ZDHHC21: variants seen among roughly 807,000 people sequenced by gnomAD.
ZDHHC21 encodes palmitoyltransferase ZDHHC21.
ZDHHC21 carries 15 observed loss-of-function variants against 34.6 expected under a neutral mutation model. The observed-to-expected ratio is 0.43, with a 90% confidence interval of 0.29 to 0.67. ZDHHC21 has a LOEUF of 0.67. Ranked by LOEUF, ZDHHC21 falls within the 30% of genes least tolerant of loss-of-function variation. ZDHHC21 has a pLI of 0.14. For missense variants in ZDHHC21, 344 were observed against 327.7 expected (o/e 1.05, Z -0.38); for synonymous variants, 142 against 101.8 (o/e 1.40, Z -2.38).
At chr9:14,595,590 C>A in the ZDHHC21 span, among the ~76,000 whole-genome samples, 1 of 151,996 alleles carries the variant, frequency 6.6e-6, no homozygotes, top group East Asian at 1.9e-4. Context: ...CAATTGTGCA[C>A]AATATAACAG....
At chr9:14,681,974 A>G (rs1837459340) in intron 2 of ZDHHC21, among the ~76,000 whole-genome samples, 1 of 152,178 alleles carries the variant, frequency 6.6e-6, no homozygotes, top group Admixed American at 6.5e-5. Context: ...AAAATCCTTT[A>G]CAGACAAGCA....
At chr9:14,658,422 T>G (rs531254513) in intron 7 of ZDHHC21, among the ~76,000 whole-genome samples, 3 of 151,116 alleles carry the variant, frequency 2.0e-5, no homozygotes, top group African/African-American at 7.3e-5. Flanking sequence ...TGTTAATAAT[T>G]GTATGCTACA....
chr9:14,619,526 C>A, intron 9 of ZDHHC21, 113 bp downstream of exon 9: 6 of 898,718 alleles, frequency 6.7e-6, no homozygotes, highest in Admixed American at 2.9e-5. Context: ...TCAGACAATG[C>A]ACCAAGAAAA....
chr9:14,649,735 T>A (rs1042452731), intron 7 of ZDHHC21, among the ~76,000 whole-genome samples: 13 of 152,118 alleles, frequency 8.5e-5, no homozygotes, highest in Non-Finnish European at 1.5e-5. Context: ...AGAGCGTATT[T>A]CACTAGCATC....
intron 7 of ZDHHC21, among the ~76,000 whole-genome samples, chr9:14,651,106 G>A (rs1343560268): frequency 2.0e-5 from 3 of 151,706 alleles, no homozygotes; most frequent in Non-Finnish European, 2.9e-5. Flanking sequence ...TTCTCATGTA[G>A]AGAAATAGTA....
At chr9:14,627,301 C>T (rs143948807) in intron 8 of ZDHHC21, among the ~76,000 whole-genome samples, 1 of 152,150 alleles carries the variant, frequency 6.6e-6, no homozygotes, top group African/African-American at 2.4e-5. Context: ...AACTGTCACC[C>T]CTGCATTTAT....
chr9:14,621,007 A>T (rs1360458165), intron 8 of ZDHHC21, among the ~76,000 whole-genome samples: 1 of 152,028 alleles, frequency 6.6e-6, no homozygotes, highest in African/African-American at 2.4e-5. Context: ...CTACAAACAT[A>T]TGAGAACACT....
chr9:14,644,648 A>T (rs1829976827), intron 7 of ZDHHC21, among the ~76,000 whole-genome samples: 1 of 151,594 alleles, frequency 6.6e-6, no homozygotes, highest in Admixed American at 6.6e-5. Context: ...CTCTATTTGA[A>T]TTTTTTTTCT....
chr9:14,622,340 A>G (rs1302312919), intron 8 of ZDHHC21, among the ~76,000 whole-genome samples: 11 of 151,962 alleles, frequency 7.2e-5, no homozygotes, highest in Admixed American at 7.2e-4. Context: ...ATTATTTTTC[A>G]GGTCTAGTCT....
At chr9:14,662,434 A>G in intron 5 of ZDHHC21, 108 bp from the exon 6 acceptor site, 1 of 762,908 alleles carries the variant, frequency 1.3e-6, no homozygotes, top group Non-Finnish European at 2.0e-6. Flanking sequence ...ATAAAACTCT[A>G]AGAGATTTTT....
At position 14,618,866 on chromosome 9, in the gene ZDHHC21, T is replaced by A. The variant is rs1031756269; in HGVS notation, c.*100A>T. 35 of 1,327,550 alleles carry A rather than the reference T, an allele frequency of 2.6e-5. No homozygotes were observed. The African/African-American group carries it at 5.1e-4, about 19-fold the overall frequency. 82.2% of individuals were successfully genotyped at this position (1,327,550 alleles called of 1,614,324 possible). On this transcript the variant is annotated 3_prime_UTR_variant, in exon 10 of 10. Transcript: ENST00000380916. ...CATTATGATGCCTAAGACTGGTGGGTGGATTTTAATTGACTTGAAGACTGT... is the reference window on the plus strand; with the variant it reads ...CATTATGATGCCTAAGACTGGTGGGAGGATTTTAATTGACTTGAAGACTGT...
chr9:14,622,758 G>C (rs867075456), intron 8 of ZDHHC21: 1 of 984,982 alleles, frequency 1.0e-6, no homozygotes, highest in African/African-American at 1.7e-5. Context: ...CTGGAAGTAA[G>C]AGCCATTGCC....
At position 14,627,124 on chromosome 9, in the gene ZDHHC21, A is replaced by G. The variant is rs1826405282; in HGVS notation, c.622-7442T>C. The stretch of plus-strand genomic sequence containing the variant: ...AATAATTTGGCAGAATACTAGGCAA[A>G]ATTTAACTATAGGAATTAATCATTT... On this transcript the variant is annotated intron_variant, in intron 8 of 9. Transcript: ENST00000380916. Among the ~76,000 whole-genome samples, 3 of 152,102 alleles carry G rather than the reference A, an allele frequency of 2.0e-5. No homozygotes were observed. In the South Asian group the frequency reaches 6.2e-4, roughly 32 times the overall value.
chr9:14,687,797 G>A (rs916969226), intron 2 of ZDHHC21, among the ~76,000 whole-genome samples: 2 of 150,756 alleles, frequency 1.3e-5, no homozygotes, highest in African/African-American at 2.5e-5. Context: ...ATATTGCTAC[G>A]CCTGAAAGAA....
intron 5 of ZDHHC21, among the ~76,000 whole-genome samples, chr9:14,663,212 T>G (rs963948404): frequency 6.6e-6 from 1 of 152,186 alleles, no homozygotes; most frequent in Non-Finnish European, 1.5e-5. Context: ...TTAAATATAT[T>G]GGAATGGAAT....
the ZDHHC21 span, among the ~76,000 whole-genome samples, chr9:14,605,618 C>T: frequency 6.6e-5 from 10 of 152,076 alleles, no homozygotes; most frequent in African/African-American, 2.4e-4. Flanking sequence ...TTTGAAAATA[C>T]CTTCTCCCAT....
At chr9:14,664,777 A>C (rs1020177373) in intron 5 of ZDHHC21, among the ~76,000 whole-genome samples, 1 of 151,820 alleles carries the variant, frequency 6.6e-6, no homozygotes, top group African/African-American at 2.4e-5. Flanking sequence ...ACAGACCTGC[A>C]GCTGAGGGTC....
chr9:14,635,716 C>A (rs1564243898), intron 8 of ZDHHC21, among the ~76,000 whole-genome samples: 2 of 152,124 alleles, frequency 1.3e-5, no homozygotes, highest in Admixed American at 6.6e-5. Context: ...ATGATAGCTA[C>A]CATCATAAAA....
rs763650324 is a variant in ZDHHC21 at position 14,619,081 on chromosome 9, G to T, written c.683C>A (p.Pro228Gln). Residue 228 changes from proline to glutamine, a missense_variant, in exon 10 of 10, where the codon CCA becomes CAA. Transcript: ENST00000380916. ...AACTTCTGAGAAGGTCTGCTGCCAT[G>T]GCTTTCGGGGCCTCGATCTACAGAA... is the stretch of plus-strand genomic sequence containing the variant. ...CCEDISRPRK[P>Q]WQQTFSEVFG... 1.2e-6 allele frequency: 2 copies of T among 1,610,186 alleles called. No homozygotes were observed. Among genetic ancestry groups the T allele is most frequent in the South Asian group, 2.2e-5 (2 of 90,518 alleles).
Sources: allele counts gnomAD v4.1 joint callset (sites outside exome capture counted in the v4.1 genomes callset), GRCh38; gene constraint gnomAD v4.1.1; transcripts MANE v1.5; gene names NCBI Gene and HGNC (gene_info 2026-07-23, HGNC 2026-07-21).